Variants in MAP7D2 observed in about 807,000 individuals in gnomAD.
MAP7D2 encodes the protein MAP7 domain-containing protein 2.
Under a neutral mutation model 63.5 loss-of-function variants are expected in MAP7D2, and 33 were observed. The ratio of observed to expected loss-of-function variants is 0.52; its 90% CI spans 0.39 to 0.70. The LOEUF is 0.70. MAP7D2 is among the 30% of genes least tolerant of loss of function. MAP7D2 has a pLI of 0.00. For synonymous variants in MAP7D2, 224 were observed against 223.7 expected (o/e 1.00, Z -0.01); for missense variants, 626 against 604.0 (o/e 1.04, Z -0.38).
intron 1 of MAP7D2, among the ~76,000 whole-genome samples, chrX:20,108,523 C>G (rs773266264): frequency 1.8e-5 from 2 of 110,581 alleles, no homozygotes; most frequent in South Asian, 7.9e-4. Context: ...GTGTGAGCCA[C>G]TGCACCCCAC....
intron 10 of MAP7D2, among the ~76,000 whole-genome samples, chrX:20,021,181 G>C (rs1225708484): frequency 8.9e-6 from 1 of 111,752 alleles, no homozygotes; most frequent in Non-Finnish European, 1.9e-5. Flanking sequence ...GCCATCCACA[G>C]CCTGGGGGCT....
chrX:20,095,337 G>A (rs1335721875), intron 1 of MAP7D2, among the ~76,000 whole-genome samples: 1 of 111,251 alleles, frequency 9.0e-6, no homozygotes, highest in East Asian at 2.8e-4. Flanking sequence ...CCAGGAATTC[G>A]AGACCAACCT....
At chrX:20,076,860 C>A (rs2065657548) in intron 1 of MAP7D2, among the ~76,000 whole-genome samples, 1 of 112,477 alleles carries the variant, frequency 8.9e-6, no homozygotes. Context: ...TTTAAAACAG[C>A]TAACTGAATT....
chrX:20,078,190 T>C (rs2065694421), intron 1 of MAP7D2, among the ~76,000 whole-genome samples: 1 of 112,250 alleles, frequency 8.9e-6, no homozygotes, highest in Non-Finnish European at 1.9e-5. Flanking sequence ...TGTACACGTA[T>C]TTGTGGGCTA....
chrX:20,066,343 T>C (rs1214409426), intron 1 of MAP7D2, among the ~76,000 whole-genome samples: 1 of 111,924 alleles, frequency 8.9e-6, no homozygotes, highest in African/African-American at 3.3e-5. Context: ...TTCCTGCTGC[T>C]GTCCAGGAGG....
chrX:20,043,785 A>C (rs1010946883), intron 7 of MAP7D2, among the ~76,000 whole-genome samples: 1 of 112,235 alleles, frequency 8.9e-6, no homozygotes, highest in African/African-American at 3.2e-5. Flanking sequence ...ATAAATAGAC[A>C]CAATTGGGGG....
At chrX:20,067,203 C>T (rs1486395107) in intron 1 of MAP7D2, among the ~76,000 whole-genome samples, 7 of 111,503 alleles carry the variant, frequency 6.3e-5, no homozygotes, top group Non-Finnish European at 1.1e-4. Flanking sequence ...GGGCCTGCTC[C>T]GTATCTAAAG....
intron 6 of MAP7D2, among the ~76,000 whole-genome samples, chrX:20,045,072 C>A (rs1013976292): frequency 1.8e-5 from 2 of 111,152 alleles, no homozygotes; most frequent in East Asian, 2.8e-4. Flanking sequence ...CAGTAAAAAC[C>A]CTGGGCACTG....
chrX:20,100,729 C>A (rs927605911), intron 1 of MAP7D2, among the ~76,000 whole-genome samples: 2 of 111,396 alleles, frequency 1.8e-5, no homozygotes, highest in African/African-American at 6.5e-5. Context: ...CCTCTAGAAG[C>A]TGGAAAAGAC....
At position 20,109,229 on chromosome X, in the gene MAP7D2, T is replaced by G. The variant is rs190073452; in HGVS notation, c.130+7521A>C. Among the ~76,000 whole-genome samples the G allele has an allele frequency of 8.4e-3, 927 of 109,754 alleles. 17 individuals carry two copies. Among genetic ancestry groups the G allele is most frequent in the African/African-American group, 0.029 (875 of 30,166 alleles). On this transcript the variant is annotated intron_variant, in intron 1 of 16. Transcript: ENST00000379643. ...CACAGTGGCACGGGGGGTTAAAAAT[T>G]CTCAGCTCTGGGTCAGTCATGGTGG...
In MAP7D2 at chrX:20,056,667, A is replaced by G; in HGVS notation, c.484+13T>C. The G allele has an allele frequency of 8.4e-7, 1 of 1,195,316 alleles. No homozygotes were observed. The highest frequency in any genetic ancestry group is 1.1e-6 in the Non-Finnish European group (1 of 880,924). On this transcript the variant is annotated intron_variant, in intron 4 of 16. Coordinates refer to ENST00000379643, the MANE Select transcript of MAP7D2 (RefSeq NM_001168465.2). ...ACCCAGGACCTGAAATACAGGGGCA[A>G]CCCTACACTCACCATCATGTCCTCC...
chrX:20,088,047 G>A (rs1002213496), intron 1 of MAP7D2, among the ~76,000 whole-genome samples: 6 of 106,724 alleles, frequency 5.6e-5, no homozygotes, highest in Non-Finnish European at 9.7e-5. Flanking sequence ...ATACCATCAC[G>A]TCCGGCTAAT....
In MAP7D2 at chrX:20,115,594, T is replaced by C. The variant is rs867498521; in HGVS notation, c.130+1156A>G. Among the ~76,000 whole-genome samples the C allele has an allele frequency of 4.5e-5, 5 of 111,574 alleles. No individual in the cohort carries two copies. The Middle Eastern group carries it at 0.014, about 306-fold the overall frequency. Reference sequence around the variant, plus strand: ...CAGTTAATGAATTCTGCCTTTAAAATAGCATAATGAAAAATACAAACTGGA... The same window carrying C: ...CAGTTAATGAATTCTGCCTTTAAAACAGCATAATGAAAAATACAAACTGGA... On this transcript the variant is annotated intron_variant, in intron 1 of 16. Transcript: ENST00000379643.
At chrX:20,102,722 C>T (rs1436701272) in intron 1 of MAP7D2, among the ~76,000 whole-genome samples, 1 of 84,368 alleles carries the variant, frequency 1.2e-5, no homozygotes, top group Non-Finnish European at 2.2e-5. Context: ...CATGGGGATG[C>T]GGTCATGAGA....
At position 20,112,651 on chromosome X, in the gene MAP7D2, G is replaced by A. The variant is rs1316023733; in HGVS notation, c.130+4099C>T. On this transcript the variant is annotated intron_variant, in intron 1 of 16. Coordinates refer to ENST00000379643, the MANE Select transcript of MAP7D2 (RefSeq NM_001168465.2). ...TCTACTACCCCCTCTTCCTTCTTCT[G>A]GTGAAATTCCTTTCAAAAGGGACCG... Among the ~76,000 whole-genome samples the A allele has an allele frequency of 5.4e-5, 6 of 111,456 alleles. No individual in the cohort carries two copies. The East Asian group carries it at 1.7e-3, about 31-fold the overall frequency.
At chrX:20,105,677 G>A (rs1330550068) in intron 1 of MAP7D2, among the ~76,000 whole-genome samples, 1 of 111,125 alleles carries the variant, frequency 9.0e-6, no homozygotes, top group Non-Finnish European at 1.9e-5. Context: ...TGGGGAAGAT[G>A]ACCAGATCGA....
intron 1 of MAP7D2, among the ~76,000 whole-genome samples, chrX:20,094,862 T>C (rs1173856268): frequency 9.3e-6 from 1 of 107,609 alleles, no homozygotes; most frequent in East Asian, 3.0e-4. Flanking sequence ...ACAAATATCC[T>C]GTTTTAAGAG....
chrX:20,098,046 A>G (rs1430157737), intron 1 of MAP7D2, among the ~76,000 whole-genome samples: 1 of 111,731 alleles, frequency 9.0e-6, no homozygotes, highest in Non-Finnish European at 1.9e-5. Flanking sequence ...ATAAGTGTAC[A>G]CTATAACAAA....
In MAP7D2 at chrX:20,012,359, T is replaced by C. The variant is rs754334061; in HGVS notation, c.2062A>G (p.Met688Val). The change falls in exon 15 of 17, where the codon ATG (methionine) becomes GTG (valine). Residue 688 changes from methionine (M) to valine (V), a missense_variant. Coordinates refer to ENST00000379643, the MANE Select transcript of MAP7D2 (RefSeq NM_001168465.2). ...LDDSTEEVQS[M>V]DVSPVSKEEL... The stretch of plus-strand genomic sequence containing the variant: ...AAGAAATGAATATACCTCACATCCA[T>C]AGACTGAACTTCTTCAGTTGAATCA... The C allele has an allele frequency of 2.0e-5, 24 of 1,198,620 alleles. No homozygotes were observed. The highest frequency in any genetic ancestry group is 1.1e-4 in the Admixed American group (5 of 44,514).
Sources: allele counts gnomAD v4.1 joint callset (sites outside exome capture counted in the v4.1 genomes callset), GRCh38; gene constraint gnomAD v4.1.1; transcripts MANE v1.5; gene names NCBI Gene and HGNC (gene_info 2026-07-23, HGNC 2026-07-21).